Variants in CHRNA3 observed in about 807,000 individuals in gnomAD.
The protein encoded by CHRNA3 is cholinergic receptor nicotinic alpha 3 subunit, also known as neuronal acetylcholine receptor subunit alpha-3.
CHRNA3 carries 34 observed loss-of-function variants against 41.9 expected under a neutral mutation model. The ratio of observed to expected loss-of-function variants is 0.81; its 90% CI spans 0.62 to 1.08. The LOEUF (loss-of-function observed/expected upper bound fraction) is 1.08. Among genes scored for constraint, CHRNA3 ranks in the 50% least tolerant of loss-of-function variants. The pLI is 0.00. For missense variants in CHRNA3, 542 were observed against 638.3 expected (o/e 0.85, Z 1.63); for synonymous variants, 281 against 265.2 (o/e 1.06, Z -0.58).
chr15:78,612,841 A>G (rs2053400832), intron 4 of CHRNA3, among the ~76,000 whole-genome samples: 1 of 149,836 alleles, frequency 6.7e-6, no homozygotes, highest in Non-Finnish European at 1.5e-5. Flanking sequence ...GCTAATATTC[A>G]GAATCTACAA....
intron 4 of CHRNA3, among the ~76,000 whole-genome samples, chr15:78,611,803 T>C (rs1476657505): frequency 6.6e-6 from 1 of 151,962 alleles, no homozygotes; most frequent in Admixed American, 6.6e-5. Context: ...GATGACATGA[T>C]TGTATATCTA....
intron 4 of CHRNA3, among the ~76,000 whole-genome samples, chr15:78,615,025 TG>T (rs2053439961): frequency 6.6e-6 from 1 of 152,102 alleles, no homozygotes; most frequent in Non-Finnish European, 1.5e-5. Flanking sequence ...AGACTGGAAG[TG>T]GCCCACTGTG....
At chr15:78,617,227 C>G (rs1261919691) in intron 3 of CHRNA3, 94 bp from the exon 4 acceptor site, 1 of 748,786 alleles carries the variant, frequency 1.3e-6, no homozygotes, top group African/African-American at 1.7e-5. Context: ...GACTCCCCAC[C>G]CCTGCTGCAT....
chr15:78,604,888 C>G (rs2141329928), intron 4 of CHRNA3, among the ~76,000 whole-genome samples: 1 of 152,212 alleles, frequency 6.6e-6, no homozygotes, highest in Non-Finnish European at 1.5e-5. Context: ...TGGTGCACAC[C>G]TGTAATCCCA....
At chr15:78,614,513 T>C (rs1406234656) in intron 4 of CHRNA3, among the ~76,000 whole-genome samples, 2 of 152,206 alleles carry the variant, frequency 1.3e-5, no homozygotes, top group East Asian at 1.9e-4. Flanking sequence ...AGACCCACTT[T>C]TGTTTTTGCC....
At chr15:78,619,010 C>A (rs1596086081) in intron 1 of CHRNA3, 95 bp from the exon 2 acceptor site, 1 of 1,397,764 alleles carries the variant, frequency 7.2e-7, no homozygotes, top group East Asian at 2.3e-5. Flanking sequence ...AGCATCCCCT[C>A]CACCTGTGGG....
downstream of CHRNA3, chr15:78,593,246 A>C (rs200454752): frequency 1.9e-6 from 3 of 1,609,570 alleles, 1 homozygote; most frequent in East Asian, 2.2e-5. Context: ...GGAAATGCAA[A>C]TAAGTGAAGC....
At chr15:78,607,208 ACT>A (rs968126465) in intron 4 of CHRNA3, among the ~76,000 whole-genome samples, 2 of 137,162 alleles carry the variant, frequency 1.5e-5, no homozygotes, top group South Asian at 2.3e-4. Context: ...ACACAGTGAG[ACT>A]CTGTCTCCAA....
chr15:78,620,644 A>G, intron 1 of CHRNA3, 69 bp downstream of exon 1: 1 of 1,471,126 alleles, frequency 6.8e-7, no homozygotes, highest in South Asian at 1.3e-5. Context: ...TCTCGCCGGC[A>G]GCCCCTCCGG....
At position 78,604,994 on chromosome 15, in the gene CHRNA3, C is replaced by G. The variant is rs565196473; in HGVS notation, c.378-2730G>C. ...CACCACTGCACTCCAGCCTGGGTGA[C>G]AGAGTGAGATTCTGTCTCAGTCAAT... is the stretch of plus-strand genomic sequence containing the variant. On this transcript the variant is annotated intron_variant, in intron 4 of 5. Transcript: ENST00000326828. Among the ~76,000 whole-genome samples the G allele has an allele frequency of 4.2e-5, 4 of 96,364 alleles. No individual in the cohort carries two copies. In the South Asian group the frequency reaches 1.8e-3, roughly 43 times the overall value. The allele number at this position is 96,364 out of a possible 152,430, so 63.2% of individuals were successfully genotyped here.
Position 78,601,742 on chromosome 15 carries a change from G to A in CHRNA3, c.900C>T (p.Val300=), listed in dbSNP as rs765799377. 4 of 1,614,160 alleles carry A rather than the reference G, an allele frequency of 2.5e-6. No individual in the cohort carries two copies. In the Admixed American group the frequency reaches 6.7e-5, roughly 27 times the overall value. ...GGAGGTACTCTCCAATCAGGGGGAT[G>A]ACCAGCGAGGTGGAAGGGATGGTCT... is the stretch of plus-strand genomic sequence containing the variant. ...ITETIPSTSL[V]IPLIGEYLLF... Residue 300 remains valine, a synonymous_variant, in exon 5 of 6, where the codon GTC becomes GTT. Transcript: ENST00000326828.
Position 78,620,700 on chromosome 15 carries a change from C to T in CHRNA3, c.82+13G>A. 3 of 1,504,988 alleles carry T rather than the reference C, an allele frequency of 2.0e-6. No individual in the cohort carries two copies. The highest frequency in any genetic ancestry group is 2.6e-6 in the Non-Finnish European group (3 of 1,133,888). The allele number at this position is 1,504,988 out of a possible 1,614,324, so 93.2% of individuals were successfully genotyped here. Reference sequence around the variant, plus strand: ...CGCCCGTCCCTCCGGAGCCCTAACGCCTGTGCGCGTACCTGGCAGCAGAGA... The same window carrying T: ...CGCCCGTCCCTCCGGAGCCCTAACGTCTGTGCGCGTACCTGGCAGCAGAGA... On this transcript the variant is annotated intron_variant, in intron 1 of 5. Coordinates refer to ENST00000326828, the MANE Select transcript of CHRNA3 (RefSeq NM_000743.5).
chr15:78,613,956 GA>G (rs950568038), intron 4 of CHRNA3, among the ~76,000 whole-genome samples: 25 of 151,340 alleles, frequency 1.7e-4, no homozygotes, highest in Admixed American at 1.1e-3. Flanking sequence ...GGGGTGGGGG[GA>G]AAAAAAAGAA....
chr15:78,620,915 A>T lies in CHRNA3; in HGVS notation c.-121T>A. ...CAGACCTGGAGCCGTGCGGGCGGAGACGCGCGGGGCTCCTCTCCGCTTCGC... is the reference window on the plus strand; with the variant it reads ...CAGACCTGGAGCCGTGCGGGCGGAGTCGCGCGGGGCTCCTCTCCGCTTCGC... On this transcript the variant is annotated 5_prime_UTR_variant, in exon 1 of 6. Transcript: ENST00000326828. 8.4e-7 allele frequency: 1 copy of T among 1,188,448 alleles called. No homozygotes were observed. Among genetic ancestry groups the T allele is most frequent in the Non-Finnish European group, 1.1e-6 (1 of 951,138 alleles). The allele number at this position is 1,188,448 out of a possible 1,614,324, so 73.6% of individuals were successfully genotyped here.
Position 78,620,873 on chromosome 15 carries a change from G to T in CHRNA3, c.-79C>A. On this transcript the variant is annotated 5_prime_UTR_variant, in exon 1 of 6. Transcript: ENST00000326828. ...TCGCAGAGACGGCCTCTCCCCGCGC[G>T]GCTCCAGCGCAGACCCCAGACCTGG... 7.6e-7 allele frequency: 1 copy of T among 1,315,940 alleles called. No homozygotes were observed. Among genetic ancestry groups the T allele is most frequent in the South Asian group, 2.2e-5 (1 of 45,956 alleles). The allele number at this position is 1,315,940 out of a possible 1,614,324, so 81.5% of individuals were successfully genotyped here.
chr15:78,598,607 C>T (rs1295535392), intron 5 of CHRNA3, among the ~76,000 whole-genome samples: 2 of 152,136 alleles, frequency 1.3e-5, no homozygotes, highest in African/African-American at 4.8e-5. Flanking sequence ...GTGGCATGAC[C>T]TCGCCTCACT....
chr15:78,614,118 A>G (rs1327804432), intron 4 of CHRNA3, among the ~76,000 whole-genome samples: 1 of 152,200 alleles, frequency 6.6e-6, no homozygotes, highest in Non-Finnish European at 1.5e-5. Context: ...CTCCACAGCC[A>G]ATTTGCAACA....
At chr15:78,614,763 A>T (rs1248107406) in intron 4 of CHRNA3, among the ~76,000 whole-genome samples, 1 of 152,250 alleles carries the variant, frequency 6.6e-6, no homozygotes, top group Admixed American at 6.5e-5. Context: ...AAATGCAGGT[A>T]CAAAAATGAT....
chr15:78,597,291 G>C (rs1032393531), intron 5 of CHRNA3, among the ~76,000 whole-genome samples: 3 of 152,184 alleles, frequency 2.0e-5, no homozygotes, highest in Non-Finnish European at 4.4e-5. Context: ...TTGGCCAGGA[G>C]TGGTGGCACA....
Sources: gnomAD v4.1 joint callset for allele counts (sites outside exome capture counted in the v4.1 genomes callset) on GRCh38, gnomAD v4.1.1 for gene constraint, MANE v1.5 for transcripts, NCBI Gene and HGNC (gene_info 2026-07-23, HGNC 2026-07-21) for gene names.